Variants in FCRL5 observed in about 807,000 individuals in gnomAD.
The protein encoded by FCRL5 is Fc receptor like 5.
FCRL5 carries 79 observed loss-of-function variants against 92.1 expected under a neutral mutation model. The ratio of observed to expected loss-of-function variants is 0.86; its 90% CI spans 0.72 to 1.03. The LOEUF (loss-of-function observed/expected upper bound fraction) is 1.03. Among genes scored for constraint, FCRL5 ranks in the 50% least tolerant of loss-of-function variants. FCRL5 has a pLI of 0.00. For missense variants in FCRL5, 1,160 were observed against 1,181.1 expected, an observed-to-expected ratio of 0.98 and a Z score of 0.26; for synonymous variants, 466 against 469.3, an observed-to-expected ratio of 0.99 and a Z score of 0.09.
chr1:157,541,322 A>G (rs1319931105), intron 6 of FCRL5, among the ~76,000 whole-genome samples: 2 of 152,172 alleles, frequency 1.3e-5, no homozygotes, highest in Non-Finnish European at 2.9e-5. Flanking sequence ...TGGCTGCTCT[A>G]TGACTCATTT....
chr1:157,521,167 C>T lies in FCRL5; in HGVS notation c.2365G>A (p.Glu789Lys), dbSNP rs912825413. 1.2e-6 allele frequency: 2 copies of T among 1,614,156 alleles called. No homozygotes were observed. Among genetic ancestry groups the T allele is most frequent in the East Asian group, 4.5e-5 (2 of 44,872 alleles). Reference sequence around the variant, plus strand: ...GACCTATTTCCTAGGGTGACATCCTCATGAAAAAACCGGTACAGGATCAGG... The same window carrying T: ...GACCTATTTCCTAGGGTGACATCCTTATGAAAAAACCGGTACAGGATCAGG... ...SPLILYRFFH[E>K]DVTLGNRSSP... The change falls in exon 11 of 17, where the codon GAG becomes AAG. Residue 789 changes from glutamate (E) to lysine (K), a missense_variant. Transcript: ENST00000361835.
chr1:157,547,406 T>C, intron 2 of FCRL5: 1 of 754,282 alleles, frequency 1.3e-6, no homozygotes, highest in South Asian at 1.4e-5. Flanking sequence ...ATGAGCAAAA[T>C]GATTTCAGGA....
At chr1:157,521,640 A>G (rs1002208199) in intron 10 of FCRL5, 1 of 168,310 alleles carries the variant, frequency 5.9e-6, no homozygotes, top group Non-Finnish European at 1.3e-5. Context: ...GATCATACTG[A>G]TTAGCTTGTA....
At chr1:157,525,911 G>A (rs1191185746) in intron 9 of FCRL5, among the ~76,000 whole-genome samples, 2 of 152,212 alleles carry the variant, frequency 1.3e-5, no homozygotes, top group African/African-American at 4.8e-5. Context: ...TGAGATATTT[G>A]AGTGAAGGTA....
chr1:157,544,087 TG>T (rs1464775160), intron 5 of FCRL5, among the ~76,000 whole-genome samples, 174 bp downstream of exon 5: 1 of 152,244 alleles, frequency 6.6e-6, no homozygotes, highest in East Asian at 1.9e-4. Flanking sequence ...TGGATTTTCC[TG>T]GGTCTAAGCT....
In FCRL5 at chr1:157,545,068, G is replaced by A; in HGVS notation, c.322C>T (p.Gln108Ter). Reference protein sequence around the residue: ...LDFSSASLILQAPLSVFEGDS... With the variant: ...LDFSSASLIL ...CCTTCAAACACAGAAAGTGGAGCTTGCAGGATCAGCGAAGCTATGAGAAAC... is the reference window on the plus strand; with the variant it reads ...CCTTCAAACACAGAAAGTGGAGCTTACAGGATCAGCGAAGCTATGAGAAAC... Residue 108 changes from glutamine (Q) to a stop codon, truncating the protein, a stop_gained, in exon 4 of 17, where the codon CAA becomes TAA. Transcript: ENST00000361835. LOFTEE classifies it high-confidence loss of function. 6.2e-7 allele frequency: 1 copy of A among 1,612,464 alleles called. No homozygotes were observed. The highest frequency in any genetic ancestry group is 8.5e-7 in the Non-Finnish European group (1 of 1,180,012).
In FCRL5 at chr1:157,515,580, G is replaced by A; in HGVS notation, c.*95C>T. On this transcript the variant is annotated 3_prime_UTR_variant, in exon 17 of 17. Coordinates refer to ENST00000361835, the MANE Select transcript of FCRL5 (RefSeq NM_031281.3). ...AACAAAGGCCAGTAGATATGGTCTG[G>A]GGCAGCCTAAATCTTCCCACTTCAA... 12 of 1,612,532 alleles carry A rather than the reference G, an allele frequency of 7.4e-6. No individual in the cohort carries two copies. Among genetic ancestry groups the A allele is most frequent in the Non-Finnish European group, 1.0e-5 (12 of 1,179,710 alleles).
At chr1:157,521,991 T>G (rs1650220879) in intron 10 of FCRL5, 1 of 152,222 alleles carries the variant, frequency 6.6e-6, no homozygotes, top group Admixed American at 6.5e-5. Flanking sequence ...GATTGGGTAA[T>G]GAAACATGAA....
intron 9 of FCRL5, among the ~76,000 whole-genome samples, chr1:157,525,105 A>C (rs1650369742): frequency 6.6e-6 from 1 of 152,262 alleles, no homozygotes; most frequent in South Asian, 2.1e-4. Context: ...CAGTGATGAG[A>C]AAGACATAGT....
chr1:157,537,070 A>C (rs1259817905), intron 7 of FCRL5, among the ~76,000 whole-genome samples: 1 of 152,206 alleles, frequency 6.6e-6, no homozygotes, highest in Admixed American at 6.5e-5. Context: ...TAACTGCACA[A>C]ATTGTTTAAA....
chr1:157,548,052 G>A lies in FCRL5; in HGVS notation c.53-855C>T, dbSNP rs115468029. Reference sequence around the variant, plus strand: ...TATTTTCAGGGTATTTTTCTGGCTCGCTGATTGAGAGGATCCTATCCTGAG... The same window carrying A: ...TATTTTCAGGGTATTTTTCTGGCTCACTGATTGAGAGGATCCTATCCTGAG... On this transcript the variant is annotated intron_variant, in intron 2 of 16. Transcript: ENST00000361835. 7.0e-3 allele frequency among the ~76,000 whole-genome samples: 1,067 copies of A among 152,292 alleles called. 7 individuals carry two copies. Among genetic ancestry groups the A allele is most frequent in the Non-Finnish European group, 0.011 (768 of 68,024 alleles).
At chr1:157,545,522 GTTTTTTTT>G (rs754972248) in intron 3 of FCRL5, among the ~76,000 whole-genome samples, 1 of 84,940 alleles carries the variant, frequency 1.2e-5, no homozygotes, top group African/African-American at 5.0e-5. Context: ...TCTTTAATGA[GTTTTTTTT>G]TTTTTTTTTT....
intron 7 of FCRL5, among the ~76,000 whole-genome samples, chr1:157,536,164 A>C (rs1340739776): frequency 1.3e-5 from 2 of 150,830 alleles, no homozygotes; most frequent in African/African-American, 4.9e-5. Flanking sequence ...CTGGTCTCAA[A>C]CTCCTGACCT....
chr1:157,552,271 G>A, intron 1 of FCRL5, 61 bp downstream of exon 1: 2 of 1,531,568 alleles, frequency 1.3e-6, no homozygotes, highest in Non-Finnish European at 1.8e-6. Flanking sequence ...GACCAGGCCT[G>A]CGGTGGAGAG....
chr1:157,552,461 C>T lies in FCRL5; in HGVS notation c.-99G>A. ...TTACAGTCAGGACACTGCACACCAG[C>T]TCCAAGGAGCACATCTGAGAAGCTG... On this transcript the variant is annotated 5_prime_UTR_variant, in exon 1 of 17. Transcript: ENST00000361835. 1.7e-6 allele frequency: 2 copies of T among 1,199,872 alleles called. No individual in the cohort carries two copies. The allele number at this position is 1,199,872 out of a possible 1,614,324, so 74.3% of individuals were successfully genotyped here.
intron 5 of FCRL5, among the ~76,000 whole-genome samples, 172 bp from the exon 6 acceptor site, chr1:157,543,309 T>C (rs900800089): frequency 6.6e-6 from 1 of 152,256 alleles, no homozygotes; most frequent in Non-Finnish European, 1.5e-5. Flanking sequence ...CCTATGACTA[T>C]GGAATGTTGC....
intron 6 of FCRL5, among the ~76,000 whole-genome samples, chr1:157,540,243 C>T (rs1289322076): frequency 2.6e-5 from 4 of 152,200 alleles, no homozygotes; most frequent in Non-Finnish European, 5.9e-5. Flanking sequence ...CTTTTCTCCT[C>T]TCCCAGCTCC....
In FCRL5 at chr1:157,518,767, C is replaced by G. The variant is rs143818028; in HGVS notation, c.2676G>C (p.Ser892=). 6 of 1,612,822 alleles carry G rather than the reference C, an allele frequency of 3.7e-6. No individual in the cohort carries two copies. Among genetic ancestry groups the G allele is most frequent in the Non-Finnish European group, 5.1e-6 (6 of 1,179,714 alleles). Residue 892 remains serine (S), a synonymous_variant, in exon 14 of 17, where the codon TCG becomes TCC. Transcript: ENST00000361835. ...ASDPARSPSD[S]DSQEPTYHNV... ...TGTGATAGGTGGGCTCTTGGGAGTC[C>G]GAGTCTGAAGGGCTCCTGTGAGACA...
At chr1:157,520,590 G>C in intron 11 of FCRL5, 43 bp from the exon 12 acceptor site, 4 of 1,472,270 alleles carry the variant, frequency 2.7e-6, no homozygotes, top group Non-Finnish European at 3.7e-6. Flanking sequence ...AGAGGCTGTG[G>C]TCTGGAACTG....
Sources: gnomAD v4.1 joint callset for allele counts (sites outside exome capture counted in the v4.1 genomes callset) on GRCh38, gnomAD v4.1.1 for gene constraint, MANE v1.5 for transcripts, NCBI Gene and HGNC (gene_info 2026-07-23, HGNC 2026-07-21) for gene names.